The following LEKR1 variants were observed in gnomAD, a reference collection of about 807,000 sequenced individuals.
LEKR1 encodes protein LEKR1.
Under a neutral mutation model 72.4 loss-of-function variants are expected in LEKR1, and 59 were observed. The observed-to-expected ratio is 0.82, with a 90% CI of 0.66 to 1.01. LEKR1 has a LOEUF of 1.01. Ranked by LOEUF, LEKR1 falls within the 50% of genes least tolerant of loss-of-function variation. The probability of loss-of-function intolerance (pLI) is 0.00; values close to 1 mark genes in which losing one functional copy is unlikely to be tolerated. For missense variants in LEKR1, 728 were observed against 759.2 expected, an observed-to-expected ratio of 0.96 and a Z score of 0.48; for synonymous variants, 257 against 263.2, an observed-to-expected ratio of 0.98 and a Z score of 0.23.
chr3:156,970,334 T>A (rs1213561164), intron 6 of LEKR1, among the ~76,000 whole-genome samples: 4 of 152,150 alleles, frequency 2.6e-5, no homozygotes, highest in African/African-American at 7.2e-5. Context: ...TTTAGTTTAA[T>A]TAGATCCCAT....
chr3:156,930,968 CAT>C (rs1158736819), intron 5 of LEKR1, among the ~76,000 whole-genome samples: 1 of 152,066 alleles, frequency 6.6e-6, no homozygotes, highest in Non-Finnish European at 1.5e-5. Context: ...CTAGAAGAAA[CAT>C]AGCAAAATAT....
intron 6 of LEKR1, among the ~76,000 whole-genome samples, chr3:156,971,861 A>G (rs979499844): frequency 6.6e-6 from 1 of 152,132 alleles, no homozygotes; most frequent in Non-Finnish European, 1.5e-5. Flanking sequence ...GAGAGGATGT[A>G]GAGAAATAGC....
intron 9 of LEKR1, among the ~76,000 whole-genome samples, chr3:157,004,805 G>A (rs1732284666): frequency 1.3e-5 from 2 of 151,976 alleles, no homozygotes; most frequent in South Asian, 4.1e-4. Flanking sequence ...CAAAATTTAT[G>A]AGATGTCACC....
At chr3:156,903,544 G>A (rs979921036) in intron 3 of LEKR1, among the ~76,000 whole-genome samples, 2 of 152,038 alleles carry the variant, frequency 1.3e-5, no homozygotes, top group African/African-American at 2.4e-5. Flanking sequence ...AACTAGCTTA[G>A]GCAAAAAGTG....
intron 12 of LEKR1, among the ~76,000 whole-genome samples, chr3:157,044,782 GTTC>G (rs1381483412): frequency 1.3e-5 from 2 of 152,128 alleles, no homozygotes; most frequent in African/African-American, 4.8e-5. Context: ...TCTTATTTAA[GTTC>G]CACTGAGAAA....
rs1056121220 is a variant in LEKR1 at position 156,828,871 on chromosome 3, A to G, written c.-44-415A>G. Reference sequence around the variant, plus strand: ...CATTTAATCCAGCATTCATGCCACAATTGCTTTTTTCATCTGCTAAAATAC... The same window carrying G: ...CATTTAATCCAGCATTCATGCCACAGTTGCTTTTTTCATCTGCTAAAATAC... On this transcript the variant is annotated intron_variant, in intron 1 of 12. Coordinates refer to ENST00000356539, the MANE Select transcript of LEKR1 (RefSeq NM_001004316.3). Among the ~76,000 whole-genome samples, 6 of 152,242 alleles carry G rather than the reference A, an allele frequency of 3.9e-5. No homozygotes were observed. In the South Asian group the frequency reaches 8.3e-4, roughly 21 times the overall value.
In LEKR1 at chr3:156,862,349, ATT is replaced by A. The variant is rs570738806; in HGVS notation, c.263+9371_263+9372del. On this transcript the variant is annotated intron_variant, in intron 3 of 12. Transcript: ENST00000356539. ...ACTTATTATTATAACAAATAAAATA[ATT>A]TTTATTGGCATAAACATAGTGGGAA... Among the ~76,000 whole-genome samples, 314 of 152,232 alleles carry A rather than the reference ATT, an allele frequency of 2.1e-3. 1 individual carries two copies. Among genetic ancestry groups the A allele is most frequent in the Non-Finnish European group, 3.6e-3 (246 of 67,998 alleles).
chr3:157,039,789 G>A (rs1471666704), intron 12 of LEKR1, among the ~76,000 whole-genome samples: 4 of 152,340 alleles, frequency 2.6e-5, no homozygotes, highest in African/African-American at 9.6e-5. Context: ...TGTTTAATCA[G>A]TATACAGAAT....
intron 6 of LEKR1, among the ~76,000 whole-genome samples, chr3:156,952,381 G>C (rs1346395605): frequency 2.6e-5 from 4 of 151,436 alleles, no homozygotes. Context: ...AAATACTTGT[G>C]AAATTCTTTA....
intron 3 of LEKR1, among the ~76,000 whole-genome samples, chr3:156,912,690 C>T (rs181573020): frequency 2.8e-4 from 43 of 152,336 alleles, no homozygotes; most frequent in Middle Eastern, 6.8e-3. Flanking sequence ...CCTGCCACCA[C>T]TGTTTGAATT....
chr3:156,946,996 C>T (rs561301407), intron 6 of LEKR1, among the ~76,000 whole-genome samples: 9 of 150,960 alleles, frequency 6.0e-5, no homozygotes, highest in Non-Finnish European at 1.2e-4. Flanking sequence ...TTGTATTTAT[C>T]TGGGTCTTCT....
chr3:156,933,333 G>A (rs1164563157), intron 5 of LEKR1, among the ~76,000 whole-genome samples: 2 of 152,088 alleles, frequency 1.3e-5, no homozygotes, highest in African/African-American at 4.8e-5. Flanking sequence ...GGAGTGGAAT[G>A]GCTGAATTGT....
At chr3:156,953,722 T>C (rs919519687) in intron 6 of LEKR1, among the ~76,000 whole-genome samples, 1 of 152,076 alleles carries the variant, frequency 6.6e-6, no homozygotes, top group Non-Finnish European at 1.5e-5. Context: ...GGCTGCATAG[T>C]ATTCCATGGT....
At chr3:156,871,889 A>T (rs1348219333) in intron 3 of LEKR1, among the ~76,000 whole-genome samples, 1 of 151,970 alleles carries the variant, frequency 6.6e-6, no homozygotes, top group Non-Finnish European at 1.5e-5. Context: ...ATTGGCTTAT[A>T]ATTTTATTTT....
intron 6 of LEKR1, among the ~76,000 whole-genome samples, chr3:156,967,467 A>C (rs1327953755): frequency 6.6e-6 from 1 of 152,252 alleles, no homozygotes; most frequent in East Asian, 1.9e-4. Flanking sequence ...CACGAGAACT[A>C]TGTGATGAAT....
intron 6 of LEKR1, among the ~76,000 whole-genome samples, chr3:156,955,127 A>G (rs899565312): frequency 6.6e-6 from 1 of 151,812 alleles, no homozygotes; most frequent in Non-Finnish European, 1.5e-5. Context: ...AGTAGTTGTG[A>G]ATGGGATTTC....
intron 7 of LEKR1, among the ~76,000 whole-genome samples, chr3:156,980,607 C>A (rs561545419): frequency 6.6e-6 from 1 of 152,044 alleles, no homozygotes; most frequent in South Asian, 2.1e-4. Flanking sequence ...CTAATAACAT[C>A]AAGGAGGGGT....
chr3:156,915,441 G>A (rs4441614), intron 3 of LEKR1, among the ~76,000 whole-genome samples: 2 of 150,768 alleles, frequency 1.3e-5, no homozygotes, highest in Non-Finnish European at 1.5e-5. Flanking sequence ...ACTTTTTAGT[G>A]ATAGCCATTC....
At chr3:156,954,943 G>A (rs1727488075) in intron 6 of LEKR1, among the ~76,000 whole-genome samples, 1 of 151,902 alleles carries the variant, frequency 6.6e-6, no homozygotes, top group African/African-American at 2.4e-5. Context: ...AAATTACTTT[G>A]GGCAGTATGG....
Sources: allele counts gnomAD v4.1 joint callset (sites outside exome capture counted in the v4.1 genomes callset), GRCh38; gene constraint gnomAD v4.1.1; transcripts MANE v1.5; gene names NCBI Gene and HGNC (gene_info 2026-07-23, HGNC 2026-07-21).